CABLES1: variants seen among roughly 807,000 people sequenced by gnomAD.
CABLES1 encodes Cdk5 and Abl enzyme substrate 1.
In CABLES1, 36 loss-of-function variants were observed where a neutral mutation model predicts 57.8. The ratio of observed to expected loss-of-function variants is 0.62; its 90% CI spans 0.48 to 0.82. The LOEUF is 0.82. CABLES1 is among the 40% of genes least tolerant of loss of function. The pLI is 0.00. For synonymous variants in CABLES1, 374 were observed against 363.0 expected (o/e 1.03, Z -0.35); for missense variants, 767 against 836.6 (o/e 0.92, Z 1.03).
chr18:23,191,247 TAAAA>T (rs890589263), intron 2 of CABLES1, among the ~76,000 whole-genome samples: 8 of 151,866 alleles, frequency 5.3e-5, no homozygotes, highest in African/African-American at 1.5e-4. Flanking sequence ...AAAGAAAACT[TAAAA>T]AAAAGAGAAC....
At chr18:23,167,223 A>G (rs2047049054) in intron 1 of CABLES1, among the ~76,000 whole-genome samples, 1 of 152,174 alleles carries the variant, frequency 6.6e-6, no homozygotes, top group South Asian at 2.1e-4. Context: ...AAATTTAAAA[A>G]AAAAATGAAA....
At chr18:23,246,899 G>T (rs1317546187) in intron 7 of CABLES1, among the ~76,000 whole-genome samples, 1 of 152,102 alleles carries the variant, frequency 6.6e-6, no homozygotes, top group Non-Finnish European at 1.5e-5. Flanking sequence ...TACCATGTTG[G>T]CCAAGCTGGT....
chr18:23,216,679 A>G (rs1230306950), intron 4 of CABLES1, among the ~76,000 whole-genome samples: 1 of 152,192 alleles, frequency 6.6e-6, no homozygotes, highest in Non-Finnish European at 1.5e-5. Flanking sequence ...AGATAACGAC[A>G]TTTCTGCAAA....
At chr18:23,150,214 T>TA (rs1568043737) in intron 1 of CABLES1, among the ~76,000 whole-genome samples, 1 of 143,254 alleles carries the variant, frequency 7.0e-6, no homozygotes, top group African/African-American at 2.7e-5. Context: ...TTTGTTTTTT[T>TA]TTTTTTTTTT....
intron 1 of CABLES1, among the ~76,000 whole-genome samples, chr18:23,181,496 CAAAAAAAAAAAA>C (rs59742943): frequency 6.5e-4 from 23 of 35,412 alleles, no homozygotes; most frequent in South Asian, 6.5e-3. Flanking sequence ...AGCTTCGTCT[CAAAAAAAAAAAA>C]AAAAAAAAAA....
Position 23,209,830 on chromosome 18 carries a change from G to T in CABLES1, c.1011-4147G>T, listed in dbSNP as rs1056042721. ...ACATTGCCAGTGCTGGGCTGAGGGGGTAAAAACAGATTTGGTGAAAAGTGG... is the reference window on the plus strand; with the variant it reads ...ACATTGCCAGTGCTGGGCTGAGGGGTTAAAAACAGATTTGGTGAAAAGTGG... On this transcript the variant is annotated intron_variant, in intron 3 of 9. Coordinates refer to ENST00000256925, the MANE Select transcript of CABLES1 (RefSeq NM_001100619.3). 4.1e-5 allele frequency among the ~76,000 whole-genome samples: 5 copies of T among 121,674 alleles called. No homozygotes were observed. The Admixed American group carries it at 4.7e-4, about 11-fold the overall frequency. 79.8% of individuals were successfully genotyped at this position (121,674 alleles called of 152,430 possible). A position where few individuals can be genotyped will look rare whatever the true frequency, so the allele number is the denominator to read the frequency against.
At chr18:23,211,949 C>T (rs1031379538) in intron 3 of CABLES1, among the ~76,000 whole-genome samples, 4 of 152,240 alleles carry the variant, frequency 2.6e-5, no homozygotes, top group Non-Finnish European at 2.9e-5. Context: ...CCTGGCCCTT[C>T]AGGCCTTGAC....
chr18:23,149,292 A>G (rs1017648793), intron 1 of CABLES1, among the ~76,000 whole-genome samples: 4 of 150,982 alleles, frequency 2.6e-5, no homozygotes, highest in Non-Finnish European at 5.9e-5. Context: ...AAGTTTGTCT[A>G]CTTTTTTTTG....
At chr18:23,187,318 T>G (rs997618550) in intron 1 of CABLES1, among the ~76,000 whole-genome samples, 2 of 152,328 alleles carry the variant, frequency 1.3e-5, no homozygotes, top group South Asian at 4.1e-4. Context: ...TTCACACACA[T>G]TGATGAGTGA....
intron 1 of CABLES1, among the ~76,000 whole-genome samples, chr18:23,179,651 C>G (rs1007202051): frequency 2.0e-5 from 3 of 152,262 alleles, no homozygotes; most frequent in African/African-American, 4.8e-5. Context: ...CTTGGAGTTC[C>G]TCCAGGGTCT....
At chr18:23,149,092 C>A (rs189211921) in intron 1 of CABLES1, among the ~76,000 whole-genome samples, 3 of 152,058 alleles carry the variant, frequency 2.0e-5, no homozygotes, top group Admixed American at 1.3e-4. Flanking sequence ...TTGGGTTTTG[C>A]CATGTTGTCC....
chr18:23,163,662 T>C (rs1486230327), intron 1 of CABLES1, among the ~76,000 whole-genome samples: 8 of 152,212 alleles, frequency 5.3e-5, no homozygotes, highest in Admixed American at 3.3e-4. Context: ...TATAGCAGGC[T>C]GGCAGGCACT....
intron 7 of CABLES1, among the ~76,000 whole-genome samples, chr18:23,251,187 T>C (rs2048027895): frequency 6.6e-6 from 1 of 152,234 alleles, no homozygotes; most frequent in Non-Finnish European, 1.5e-5. Flanking sequence ...GCACGGTTGC[T>C]CATGCCTGTA....
chr18:23,191,523 T>C (rs1456005669), intron 2 of CABLES1, among the ~76,000 whole-genome samples: 2 of 152,180 alleles, frequency 1.3e-5, no homozygotes, highest in Non-Finnish European at 2.9e-5. Context: ...ATAATGATGC[T>C]GAAGTATTTT....
At chr18:23,252,665 A>C (rs994329665) in intron 7 of CABLES1, among the ~76,000 whole-genome samples, 16 of 152,126 alleles carry the variant, frequency 1.1e-4, no homozygotes, top group Non-Finnish European at 2.4e-4. Context: ...ACAGGCTGAC[A>C]CCTGGGAACT....
chr18:23,162,898 G>A (rs762548128), intron 1 of CABLES1, among the ~76,000 whole-genome samples: 16 of 152,222 alleles, frequency 1.1e-4, no homozygotes, highest in Non-Finnish European at 1.5e-4. Context: ...TTTGTATTTC[G>A]TAGTTCAATG....
At chr18:23,165,837 G>A (rs1023716489) in intron 1 of CABLES1, among the ~76,000 whole-genome samples, 5 of 152,120 alleles carry the variant, frequency 3.3e-5, no homozygotes, top group African/African-American at 9.7e-5. Context: ...GCTAAAACTC[G>A]TCCTCTCCTC....
intron 1 of CABLES1, among the ~76,000 whole-genome samples, chr18:23,158,317 C>T (rs1316542444): frequency 6.6e-6 from 1 of 151,998 alleles, no homozygotes; most frequent in Non-Finnish European, 1.5e-5. Flanking sequence ...ATGATAATAA[C>T]ACCAAACATC....
intron 1 of CABLES1, among the ~76,000 whole-genome samples, chr18:23,174,609 C>T (rs1466882992): frequency 6.6e-6 from 1 of 151,554 alleles, no homozygotes; most frequent in African/African-American, 2.4e-5. Flanking sequence ...GTAGCTGGGA[C>T]TACAGGCACC....
Sources: gnomAD v4.1 joint callset for allele counts (sites outside exome capture counted in the v4.1 genomes callset) on GRCh38, gnomAD v4.1.1 for gene constraint, MANE v1.5 for transcripts, NCBI Gene and HGNC (gene_info 2026-07-23, HGNC 2026-07-21) for gene names.